KCNIP1: variants seen among roughly 807,000 people sequenced by gnomAD.
KCNIP1 encodes A-type potassium channel modulatory protein KCNIP1.
KCNIP1 carries 18 observed loss-of-function variants against 33.0 expected under a neutral mutation model. That is an observed-to-expected ratio of 0.55 (90% confidence interval 0.38 to 0.81). The LOEUF (loss-of-function observed/expected upper bound fraction) is 0.81. Among genes scored for constraint, KCNIP1 ranks in the 30% least tolerant of loss-of-function variants. The pLI is 0.00. For synonymous variants in KCNIP1, 93 were observed against 98.3 expected, an observed-to-expected ratio of 0.95 and a Z score of 0.32; for missense variants, 238 against 271.6, an observed-to-expected ratio of 0.88 and a Z score of 0.87.
At chr5:170,629,385 C>T (rs751539779) in intron 1 of KCNIP1, among the ~76,000 whole-genome samples, 4 of 152,198 alleles carry the variant, frequency 2.6e-5, no homozygotes, top group Non-Finnish European at 4.4e-5. Flanking sequence ...CCAAGGGACT[C>T]CTCCCCCAGG....
intron 1 of KCNIP1, among the ~76,000 whole-genome samples, chr5:170,495,657 A>G (rs186896774): frequency 6.6e-6 from 1 of 152,328 alleles, no homozygotes; most frequent in East Asian, 1.9e-4. Context: ...AACCAGTCAC[A>G]TATTCTTCCA....
chr5:170,660,505 A>G (rs1761439690), intron 1 of KCNIP1, among the ~76,000 whole-genome samples: 1 of 152,114 alleles, frequency 6.6e-6, no homozygotes, highest in African/African-American at 2.4e-5. Context: ...ATTTGTTCCT[A>G]TGTCCTTCTC....
intron 1 of KCNIP1, among the ~76,000 whole-genome samples, chr5:170,586,027 C>T (rs1757976803): frequency 6.6e-6 from 1 of 152,196 alleles, no homozygotes; most frequent in Non-Finnish European, 1.5e-5. Context: ...TCCCAACCTT[C>T]TGCCTCACTG....
intron 1 of KCNIP1, among the ~76,000 whole-genome samples, chr5:170,629,656 G>A (rs891429326): frequency 3.9e-5 from 6 of 152,276 alleles, no homozygotes; most frequent in African/African-American, 1.4e-4. Context: ...CCCCTGCAGG[G>A]TGGCATCAGC....
intron 1 of KCNIP1, among the ~76,000 whole-genome samples, chr5:170,509,947 T>C (rs1754872924): frequency 6.6e-6 from 1 of 152,218 alleles, no homozygotes; most frequent in Non-Finnish European, 1.5e-5. Context: ...TCGTTCACCC[T>C]TGCCTGGGTG....
At chr5:170,551,997 GTA>G (rs1346818728) in intron 1 of KCNIP1, among the ~76,000 whole-genome samples, 6 of 148,680 alleles carry the variant, frequency 4.0e-5, no homozygotes, top group South Asian at 2.1e-4. Flanking sequence ...TGTTGTGTGC[GTA>G]TGTGTGTGTG....
At chr5:170,620,152 A>T (rs1301821223) in intron 1 of KCNIP1, among the ~76,000 whole-genome samples, 1 of 152,206 alleles carries the variant, frequency 6.6e-6, no homozygotes, top group Non-Finnish European at 1.5e-5. Context: ...GTGCTCAAAG[A>T]ATATCAGTTC....
At chr5:170,384,415 G>C (rs999384753) in intron 1 of KCNIP1, among the ~76,000 whole-genome samples, 1 of 152,214 alleles carries the variant, frequency 6.6e-6, no homozygotes, top group South Asian at 2.1e-4. Context: ...GTTGAGCCAG[G>C]ATGGGAAAGA....
At chr5:170,597,763 C>A (rs1758494168) in intron 1 of KCNIP1, among the ~76,000 whole-genome samples, 1 of 128,816 alleles carries the variant, frequency 7.8e-6, no homozygotes, top group Non-Finnish European at 1.7e-5. Context: ...CAGCTCACTT[C>A]TGATGCTGGA....
intron 1 of KCNIP1, among the ~76,000 whole-genome samples, chr5:170,663,653 T>A: frequency 6.6e-6 from 1 of 152,110 alleles, no homozygotes; most frequent in East Asian, 1.9e-4. Context: ...AGGGAACTGC[T>A]CCACCCACAT....
chr5:170,583,936 AT>A (rs1231274322), intron 1 of KCNIP1, among the ~76,000 whole-genome samples: 1 of 152,204 alleles, frequency 6.6e-6, no homozygotes, highest in East Asian at 1.9e-4. Flanking sequence ...TAATGATCAC[AT>A]CAGGTCGTTA....
intron 1 of KCNIP1, among the ~76,000 whole-genome samples, chr5:170,623,387 T>G (rs1250415651): frequency 1.3e-5 from 2 of 152,058 alleles, no homozygotes; most frequent in African/African-American, 2.4e-5. Context: ...AATTTTTGTA[T>G]TTTTAGTAGA....
intron 1 of KCNIP1, among the ~76,000 whole-genome samples, chr5:170,408,749 C>T (rs1458414705): frequency 6.6e-6 from 1 of 152,180 alleles, no homozygotes; most frequent in African/African-American, 2.4e-5. Context: ...GCTTTCTCTG[C>T]TGTCACTGCG....
intron 1 of KCNIP1, among the ~76,000 whole-genome samples, chr5:170,435,556 C>G (rs1453836599): frequency 1.3e-5 from 2 of 152,160 alleles, no homozygotes; most frequent in Non-Finnish European, 2.9e-5. Context: ...TTTCCCCTTG[C>G]CATTCTCTCC....
chr5:170,361,642 C>T (rs1382299586), intron 1 of KCNIP1, among the ~76,000 whole-genome samples: 1 of 152,190 alleles, frequency 6.6e-6, no homozygotes, highest in Non-Finnish European at 1.5e-5. Context: ...TTATCAACAA[C>T]AGAAATGTAT....
intron 1 of KCNIP1, among the ~76,000 whole-genome samples, chr5:170,578,184 G>T (rs888903348): frequency 2.0e-5 from 3 of 152,234 alleles, no homozygotes; most frequent in African/African-American, 4.8e-5. Context: ...GAGTGAGAAG[G>T]GGGGAAAGAA....
chr5:170,689,036 C>T (rs1281380393), intron 1 of KCNIP1, among the ~76,000 whole-genome samples: 1 of 152,068 alleles, frequency 6.6e-6, no homozygotes, highest in East Asian at 1.9e-4. Flanking sequence ...AGGAGGGAAT[C>T]AGAGCTAAAG....
chr5:170,372,319 C>G (rs181968069), intron 1 of KCNIP1, among the ~76,000 whole-genome samples: 303 of 152,272 alleles, frequency 2.0e-3, no homozygotes, highest in African/African-American at 6.9e-3. Flanking sequence ...TCCGGGCCCT[C>G]TCCCAGCACC....
chr5:170,610,174 C>T (rs1315902954), intron 1 of KCNIP1, among the ~76,000 whole-genome samples: 1 of 152,174 alleles, frequency 6.6e-6, no homozygotes, highest in African/African-American at 2.4e-5. Context: ...GAGTCAGGCC[C>T]AGGCATCTGG....
Sources: gnomAD v4.1 joint callset for allele counts (sites outside exome capture counted in the v4.1 genomes callset) on GRCh38, gnomAD v4.1.1 for gene constraint, MANE v1.5 for transcripts, NCBI Gene and HGNC (gene_info 2026-07-23, HGNC 2026-07-21) for gene names.